Variants in UNC13B observed in about 807,000 individuals in gnomAD.
The protein encoded by UNC13B is unc-13 homolog B.
Under a neutral mutation model 211.0 loss-of-function variants are expected in UNC13B, and 144 were observed. That is an observed-to-expected ratio of 0.68 (90% CI 0.60 to 0.78). The LOEUF is 0.78. Among genes scored for constraint, UNC13B ranks in the 30% least tolerant of loss-of-function variants. UNC13B has a pLI of 0.00. For synonymous variants in UNC13B, 709 were observed against 725.8 expected (o/e 0.98, Z 0.37); for missense variants, 1,777 against 2,002.0 (o/e 0.89, Z 2.14).
At chr9:35,331,338 T>C (rs1179707350) in intron 11 of UNC13B, among the ~76,000 whole-genome samples, 2 of 152,318 alleles carry the variant, frequency 1.3e-5, no homozygotes, top group South Asian at 2.1e-4. Context: ...AACCTCTGCC[T>C]CCAGATTCAA....
chr9:35,162,418 T>TG (rs1336128278), intron 1 of UNC13B, 113 bp downstream of exon 1: 5 of 1,327,382 alleles, frequency 3.8e-6, no homozygotes, highest in Middle Eastern at 1.9e-4. Flanking sequence ...GTCCGTGCTT[T>TG]GGGGGTCTAT....
At chr9:35,397,571 G>T in intron 29 of UNC13B, 64 bp from the exon 30 acceptor site, 1 of 1,545,756 alleles carries the variant, frequency 6.5e-7, no homozygotes, top group South Asian at 1.2e-5. Flanking sequence ...TGCCACCTCA[G>T]GCAAGATCCC....
At chr9:35,255,545 T>A (rs1367336436) in intron 6 of UNC13B, among the ~76,000 whole-genome samples, 1 of 151,912 alleles carries the variant, frequency 6.6e-6, no homozygotes, top group East Asian at 1.9e-4. Context: ...ATTTGACAGG[T>A]AGGGGTTTGG....
intron 13 of UNC13B, chr9:35,371,845 G>A (rs1172058588): frequency 6.6e-6 from 1 of 152,662 alleles, no homozygotes; most frequent in Admixed American, 6.5e-5. Context: ...GGACTATAGG[G>A]AAGAACCTCT....
chr9:35,167,230 C>T (rs553364329), intron 1 of UNC13B, among the ~76,000 whole-genome samples: 20 of 152,012 alleles, frequency 1.3e-4, no homozygotes, highest in South Asian at 1.0e-3. Context: ...CCCATCACCA[C>T]GCCTGGCTAA....
At chr9:35,169,205 A>C (rs1821207172) in intron 1 of UNC13B, among the ~76,000 whole-genome samples, 1 of 152,142 alleles carries the variant, frequency 6.6e-6, no homozygotes, top group East Asian at 1.9e-4. Context: ...ATATTTAAAA[A>C]TTAGCTGTGC....
chr9:35,403,430 G>C lies in UNC13B; in HGVS notation c.12578-10G>C, dbSNP rs756806069. The C allele has an allele frequency of 4.3e-6, 7 of 1,613,068 alleles. No homozygotes were observed. The highest frequency in any genetic ancestry group is 5.1e-6 in the Non-Finnish European group (6 of 1,179,850). ...GTGGGATCCCTCACAGGTTTCCCTT[G>C]TTTGGGCAGTGGTGGCTGCCAATGA... is the stretch of plus-strand genomic sequence containing the variant. On this transcript the variant is annotated splice_polypyrimidine_tract_variant and intron_variant, in intron 38 of 39. Coordinates refer to ENST00000635942, the MANE Select transcript of UNC13B (RefSeq NM_001371189.2).
chr9:35,237,538 G>A (rs1825581238), intron 4 of UNC13B, among the ~76,000 whole-genome samples, 165 bp from the exon 5 acceptor site: 1 of 152,198 alleles, frequency 6.6e-6, no homozygotes, highest in African/African-American at 2.4e-5. Flanking sequence ...GAAAACAGAA[G>A]CCACATGCAG....
In UNC13B at chr9:35,336,795, G is replaced by A. The variant is rs192790201; in HGVS notation, c.9414+22806G>A. 1.4e-3 allele frequency among the ~76,000 whole-genome samples: 207 copies of A among 152,298 alleles called. 1 individual carries two copies. Among genetic ancestry groups the A allele is most frequent in the African/African-American group, 4.6e-3 (191 of 41,562 alleles). ...AGGATTTTAACATATGAATTTTGGA[G>A]TGACACAGACGTTCAGGCAATTCAA... On this transcript the variant is annotated intron_variant, in intron 11 of 39. Coordinates refer to ENST00000635942, the MANE Select transcript of UNC13B (RefSeq NM_001371189.2).
chr9:35,228,730 G>A (rs1587418218), intron 2 of UNC13B, among the ~76,000 whole-genome samples: 1 of 151,382 alleles, frequency 6.6e-6, no homozygotes, highest in Non-Finnish European at 1.5e-5. Flanking sequence ...GTGTGTGTGT[G>A]TGTGTGTGTG....
chr9:35,360,415 C>T (rs1833332147), intron 11 of UNC13B: 2 of 152,180 alleles, frequency 1.3e-5, no homozygotes, highest in Admixed American at 6.5e-5. Flanking sequence ...ATGGTATTTA[C>T]CCAGTGTGGA....
chr9:35,377,412 C>T, intron 15 of UNC13B, 56 bp from the exon 16 acceptor site: 1 of 1,572,378 alleles, frequency 6.4e-7, no homozygotes, highest in Non-Finnish European at 8.7e-7. Context: ...AGGCCCCATT[C>T]CTCAGCTCAA....
rs572545003 is a variant in UNC13B, at chr9:35,401,628, C to T, written c.12484+1185C>T. ...TGTGTATGCGTGTGCATTTTCTACC[C>T]GTTGCTTTATCATTTAAGGGTCTAG... On this transcript the variant is annotated intron_variant, in intron 37 of 39. Coordinates refer to ENST00000635942, the MANE Select transcript of UNC13B (RefSeq NM_001371189.2). 2.6e-5 allele frequency among the ~76,000 whole-genome samples: 4 copies of T among 152,284 alleles called. No homozygotes were observed. In the East Asian group the frequency reaches 5.8e-4, roughly 22 times the overall value.
chr9:35,181,563 G>T (rs1277874022), intron 1 of UNC13B, among the ~76,000 whole-genome samples: 1 of 152,188 alleles, frequency 6.6e-6, no homozygotes, highest in African/African-American at 2.4e-5. Context: ...CTGGCCAGGT[G>T]CGGTGGCTCA....
In UNC13B at chr9:35,237,553, G is replaced by A. The variant is rs552947073; in HGVS notation, c.271-150G>A. 177 of 888,240 alleles carry A rather than the reference G, an allele frequency of 2.0e-4. 1 individual carries two copies. The South Asian group carries it at 2.9e-3, about 15-fold the overall frequency. 55.0% of individuals were successfully genotyped at this position (888,240 alleles called of 1,614,324 possible). Reference sequence around the variant, plus strand: ...GAAAACAGAAGCCACATGCAGTGGAGGCAGGTGGTGATAGTGGTGTGTTTG... The same window carrying A: ...GAAAACAGAAGCCACATGCAGTGGAAGCAGGTGGTGATAGTGGTGTGTTTG... On this transcript the variant is annotated intron_variant, in intron 4 of 39. Coordinates refer to ENST00000635942, the MANE Select transcript of UNC13B (RefSeq NM_001371189.2).
intron 7 of UNC13B, among the ~76,000 whole-genome samples, chr9:35,287,138 C>CTTT (rs35553171): frequency 1.4e-5 from 2 of 142,586 alleles, no homozygotes; most frequent in Non-Finnish European, 3.1e-5. Context: ...TTCTTTCTTT[C>CTTT]TTTTTTTTTT....
At position 35,397,642 on chromosome 9, in the gene UNC13B, G is replaced by C. The variant is rs1161209278; in HGVS notation, c.11684G>C (p.Gly3895Ala). 1.9e-6 allele frequency: 3 copies of C among 1,613,424 alleles called. No individual in the cohort carries two copies. In the African/African-American group the frequency reaches 4.0e-5, roughly 22 times the overall value. ...HYMRRFAKTI[G>A]KVLMQYADIL... is the part of the protein sequence containing the mutation. The stretch of plus-strand genomic sequence containing the variant: ...CCTTTCTCCTCTTCTCAGACCATCG[G>C]GAAGGTGCTGATGCAGTATGCAGAC... The change falls in exon 30 of 40, where the codon GGG becomes GCG. Residue 3895 changes from glycine (G) to alanine (A), a missense_variant. Transcript: ENST00000635942.
intron 11 of UNC13B, among the ~76,000 whole-genome samples, chr9:35,336,699 T>C (rs1170899074): frequency 6.6e-6 from 1 of 152,126 alleles, no homozygotes; most frequent in East Asian, 1.9e-4. Flanking sequence ...ATCCCATTCA[T>C]TAGGGCTCTG....
chr9:35,197,554 A>G (rs1476507589), intron 1 of UNC13B, among the ~76,000 whole-genome samples: 1 of 152,148 alleles, frequency 6.6e-6, no homozygotes, highest in East Asian at 1.9e-4. Flanking sequence ...TGTTTTCAGA[A>G]CACCTGCTTA....
Sources: allele counts gnomAD v4.1 joint callset (sites outside exome capture counted in the v4.1 genomes callset), GRCh38; gene constraint gnomAD v4.1.1; transcripts MANE v1.5; gene names NCBI Gene and HGNC (gene_info 2026-07-23, HGNC 2026-07-21).